Variants in SLC25A13 observed in about 807,000 individuals in gnomAD.
The protein encoded by SLC25A13 is electrogenic aspartate/glutamate antiporter SLC25A13, mitochondrial.
A neutral mutation model predicts 85.5 loss-of-function variants in SLC25A13; 70 were observed. The observed-to-expected ratio is 0.82, with a 90% confidence interval of 0.68 to 1.00. The LOEUF (loss-of-function observed/expected upper bound fraction) is 1.00. SLC25A13 is among the 50% of genes least tolerant of loss of function. SLC25A13 has a pLI of 0.00. For missense variants in SLC25A13, 765 were observed against 819.8 expected, an observed-to-expected ratio of 0.93 and a Z score of 0.82; for synonymous variants, 259 against 288.7, an observed-to-expected ratio of 0.90 and a Z score of 1.04.
intron 15 of SLC25A13, among the ~76,000 whole-genome samples, chr7:96,123,252 T>C (rs1791589208): frequency 6.6e-6 from 1 of 152,198 alleles, no homozygotes; most frequent in Non-Finnish European, 1.5e-5. Context: ...ATTTTAACTT[T>C]GGGCCAGGAA....
At chr7:96,278,212 C>G (rs1584553683) in intron 2 of SLC25A13, among the ~76,000 whole-genome samples, 1 of 152,076 alleles carries the variant, frequency 6.6e-6, no homozygotes, top group South Asian at 2.1e-4. Flanking sequence ...AGGAGACGGC[C>G]TCTTGATCCT....
chr7:96,172,560 A>G (rs1041417478), intron 11 of SLC25A13, among the ~76,000 whole-genome samples: 10 of 151,904 alleles, frequency 6.6e-5, no homozygotes, highest in African/African-American at 2.4e-4. Context: ...CTGCCTCAAA[A>G]AAAAAAAAAG....
intron 13 of SLC25A13, among the ~76,000 whole-genome samples, chr7:96,168,387 A>G (rs1343231504): frequency 6.6e-6 from 1 of 152,168 alleles, no homozygotes; most frequent in Non-Finnish European, 1.5e-5. Context: ...GTAAAGCCTA[A>G]GTGGCTCCAA....
At chr7:96,143,773 A>C (rs1792664832) in intron 14 of SLC25A13, among the ~76,000 whole-genome samples, 1 of 152,184 alleles carries the variant, frequency 6.6e-6, no homozygotes, top group Non-Finnish European at 1.5e-5. Flanking sequence ...AGAAAGCCTG[A>C]TTTTCCAATT....
chr7:96,226,252 A>T lies in SLC25A13; in HGVS notation c.328+8550T>A, dbSNP rs201205828. Among the ~76,000 whole-genome samples the T allele has an allele frequency of 2.0e-5, 3 of 152,272 alleles. No homozygotes were observed. In the East Asian group the frequency reaches 5.8e-4, roughly 29 times the overall value. ...AATCTGCCTATTTCAGGTGTCTCAT[A>T]TAAGTAGAATCATGTAATATTTGTC... On this transcript the variant is annotated intron_variant, in intron 4 of 17. Coordinates refer to ENST00000265631, the MANE Select transcript of SLC25A13 (RefSeq NM_014251.3).
At chr7:96,173,053 C>T (rs144067593) in intron 11 of SLC25A13, among the ~76,000 whole-genome samples, 412 of 152,314 alleles carry the variant, frequency 2.7e-3, no homozygotes, top group Middle Eastern at 0.017. Flanking sequence ...CCACAGCGCC[C>T]GGCCTCCAGT....
intron 17 of SLC25A13, 115 bp downstream of exon 17, chr7:96,121,540 A>G (rs1308485502): frequency 3.6e-6 from 5 of 1,401,726 alleles, no homozygotes; most frequent in African/African-American, 2.8e-5. Flanking sequence ...CAATTTCAAC[A>G]TTTCCCTAAA....
chr7:96,155,612 G>A (rs1200152230), intron 13 of SLC25A13, among the ~76,000 whole-genome samples: 1 of 152,174 alleles, frequency 6.6e-6, no homozygotes, highest in East Asian at 1.9e-4. Context: ...CTAAGTGGGA[G>A]CAGTCATCTT....
chr7:96,132,748 CTA>C (rs1792088064), intron 14 of SLC25A13, among the ~76,000 whole-genome samples: 1 of 152,088 alleles, frequency 6.6e-6, no homozygotes, highest in Admixed American at 6.5e-5. Flanking sequence ...TTTCTAATAA[CTA>C]AAAATTTCCA....
At chr7:96,321,736 G>T (rs940084998) in intron 1 of SLC25A13, among the ~76,000 whole-genome samples, 1 of 152,216 alleles carries the variant, frequency 6.6e-6, no homozygotes, top group African/African-American at 2.4e-5. Context: ...TCCGCTGCGA[G>T]GTCGGGCCTC....
At chr7:96,146,148 A>T (rs1239318848) in intron 14 of SLC25A13, among the ~76,000 whole-genome samples, 5 of 152,232 alleles carry the variant, frequency 3.3e-5, no homozygotes, top group African/African-American at 9.6e-5. Flanking sequence ...TATAATAATT[A>T]AGACAAGGCA....
intron 4 of SLC25A13, among the ~76,000 whole-genome samples, chr7:96,226,906 T>C (rs1166606986): frequency 6.6e-6 from 1 of 152,120 alleles, no homozygotes; most frequent in Non-Finnish European, 1.5e-5. Flanking sequence ...TCCACCATGA[T>C]TTACTCCCTT....
chr7:96,145,913 C>T (rs997428446), intron 14 of SLC25A13, among the ~76,000 whole-genome samples: 2 of 152,104 alleles, frequency 1.3e-5, no homozygotes, highest in South Asian at 4.1e-4. Flanking sequence ...TTTACTTAGT[C>T]AAGCTAGCGT....
chr7:96,231,792 C>T (rs910504415), intron 4 of SLC25A13, among the ~76,000 whole-genome samples: 7 of 151,414 alleles, frequency 4.6e-5, no homozygotes, highest in Non-Finnish European at 7.4e-5. Flanking sequence ...AACACATATA[C>T]GCGGCCAAGA....
rs1326069402 is a variant in SLC25A13 at position 96,157,462 on chromosome 7, C to T, written c.1312-10766G>A. 2.0e-5 allele frequency among the ~76,000 whole-genome samples: 3 copies of T among 152,144 alleles called. 1 individual carries two copies. Among genetic ancestry groups the T allele is most frequent in the Non-Finnish European group, 4.4e-5 (3 of 68,030 alleles). ...TTACATAATGACTTCATTGTTGACA[C>T]TTCTGGTTTGGCACAGGGAAGTGAT... On this transcript the variant is annotated intron_variant, in intron 13 of 17. Coordinates refer to ENST00000265631, the MANE Select transcript of SLC25A13 (RefSeq NM_014251.3).
intron 15 of SLC25A13, among the ~76,000 whole-genome samples, chr7:96,123,526 A>AC (rs1215439543): frequency 6.6e-6 from 1 of 152,182 alleles, no homozygotes; most frequent in African/African-American, 2.4e-5. Context: ...AAATAGAGGT[A>AC]CTGGGGGTGA....
At position 96,279,419 on chromosome 7, in the gene SLC25A13, G is replaced by T. The variant is rs1798581418; in HGVS notation, c.70-2081C>A. On this transcript the variant is annotated intron_variant, in intron 2 of 17. Transcript: ENST00000265631. ...TAAAAAGAGGTTTAATGGACTCACA[G>T]TTCCACATGGCTGGGAGGCCTCACA... Among the ~76,000 whole-genome samples the T allele has an allele frequency of 3.3e-5, 5 of 152,186 alleles. No individual in the cohort carries two copies. The South Asian group carries it at 1.0e-3, about 31-fold the overall frequency.
At chr7:96,197,007 T>C (rs892665987) in intron 5 of SLC25A13, among the ~76,000 whole-genome samples, 6 of 152,170 alleles carry the variant, frequency 3.9e-5, no homozygotes, top group African/African-American at 1.4e-4. Flanking sequence ...GTAGGTACTA[T>C]TATTAACCTC....
intron 4 of SLC25A13, among the ~76,000 whole-genome samples, chr7:96,231,594 C>T (rs1047911795): frequency 5.3e-5 from 8 of 151,800 alleles, no homozygotes; most frequent in Non-Finnish European, 5.9e-5. Context: ...CGTGGTGGTG[C>T]GCGCCTGTAG....
Sources: gnomAD v4.1 joint callset for allele counts (sites outside exome capture counted in the v4.1 genomes callset) on GRCh38, gnomAD v4.1.1 for gene constraint, MANE v1.5 for transcripts, NCBI Gene and HGNC (gene_info 2026-07-23, HGNC 2026-07-21) for gene names.